BNC2: variants seen among roughly 807,000 people sequenced by gnomAD.
BNC2 encodes basonuclin zinc finger protein 2.
In BNC2, 20 loss-of-function variants were observed where a neutral mutation model predicts 76.3. That is an observed-to-expected ratio of 0.26 (90% confidence interval 0.18 to 0.38). BNC2 has a LOEUF of 0.38. Among genes scored for constraint, BNC2 ranks in the 10% least tolerant of loss-of-function variants. The pLI, the probability that BNC2 is intolerant of heterozygous loss-of-function variation, is 1.00. For synonymous variants in BNC2, 582 were observed against 514.8 expected, an observed-to-expected ratio of 1.13 and a Z score of -1.77; for missense variants, 1,382 against 1,399.8, an observed-to-expected ratio of 0.99 and a Z score of 0.20.
intron 5 of BNC2, among the ~76,000 whole-genome samples, chr9:16,502,326 C>T (rs910386372): frequency 3.9e-5 from 6 of 152,014 alleles, no homozygotes; most frequent in Admixed American, 1.3e-4. Context: ...CTAGCCTGGG[C>T]GACAGAGCAA....
intron 3 of BNC2, among the ~76,000 whole-genome samples, chr9:16,611,618 A>C (rs1820546975): frequency 6.6e-6 from 1 of 152,156 alleles, no homozygotes; most frequent in Non-Finnish European, 1.5e-5. Context: ...AAAAAAATTC[A>C]AGGTAAAAAA....
At chr9:16,641,500 C>T (rs571530338) in intron 3 of BNC2, among the ~76,000 whole-genome samples, 17 of 152,220 alleles carry the variant, frequency 1.1e-4, no homozygotes, top group African/African-American at 3.9e-4. Flanking sequence ...CAATCTGTTG[C>T]CTCTATTTAA....
At chr9:16,599,790 A>T (rs1820195152) in intron 3 of BNC2, among the ~76,000 whole-genome samples, 1 of 152,216 alleles carries the variant, frequency 6.6e-6, no homozygotes, top group Non-Finnish European at 1.5e-5. Flanking sequence ...GTCAAAAAAA[A>T]GTAATATATT....
intron 3 of BNC2, among the ~76,000 whole-genome samples, chr9:16,592,083 T>A (rs576869920): frequency 1.3e-4 from 19 of 151,416 alleles, no homozygotes; most frequent in Non-Finnish European, 2.5e-4. Flanking sequence ...GACAAAAAGC[T>A]GGGCAATTTA....
At chr9:16,430,865 T>C (rs933643922) in intron 6 of BNC2, among the ~76,000 whole-genome samples, 3 of 152,222 alleles carry the variant, frequency 2.0e-5, no homozygotes, top group African/African-American at 7.2e-5. Flanking sequence ...AGCAATCGAA[T>C]GGAAGGTTCA....
At chr9:16,549,258 T>C (rs1385783061) in intron 5 of BNC2, among the ~76,000 whole-genome samples, 1 of 152,224 alleles carries the variant, frequency 6.6e-6, no homozygotes, top group African/African-American at 2.4e-5. Context: ...ATATCCTGGC[T>C]TGACTAGTTC....
At chr9:16,706,505 A>T (rs1823677897) in intron 3 of BNC2, among the ~76,000 whole-genome samples, 5 of 152,232 alleles carry the variant, frequency 3.3e-5, no homozygotes, top group Admixed American at 3.3e-4. Flanking sequence ...AATGAAGAAC[A>T]TCTTACTTCA....
Position 16,528,652 on chromosome 9 carries a change from C to G in BNC2, c.669+23878G>C, listed in dbSNP as rs576385015. Among the ~76,000 whole-genome samples, 3 of 152,244 alleles carry G rather than the reference C, an allele frequency of 2.0e-5. No individual in the cohort carries two copies. The South Asian group carries it at 6.2e-4, about 32-fold the overall frequency. The stretch of plus-strand genomic sequence containing the variant: ...ATTCTACTTCTAAATATTTATTCTA[C>G]AAAAACAAACATACACAGTAATAAA... On this transcript the variant is annotated intron_variant, in intron 5 of 6. Transcript: ENST00000380672.
At chr9:16,754,587 T>C (rs780246908) in intron 1 of BNC2, among the ~76,000 whole-genome samples, 29 of 152,018 alleles carry the variant, frequency 1.9e-4, no homozygotes, top group Non-Finnish European at 3.5e-4. Flanking sequence ...AGACAGAGTC[T>C]CGCTCTGTTG....
At chr9:16,463,518 A>G (rs113937785) in intron 5 of BNC2, among the ~76,000 whole-genome samples, 13,469 of 148,172 alleles carry the variant, frequency 0.091, 804 homozygotes, top group Non-Finnish European at 0.1. Context: ...GGATGGTCTC[A>G]ATCTCCTGAC....
intron 3 of BNC2, among the ~76,000 whole-genome samples, chr9:16,705,616 G>A (rs1366245395): frequency 6.6e-6 from 1 of 152,012 alleles, no homozygotes; most frequent in African/African-American, 2.4e-5. Context: ...TTTAAATGTA[G>A]GGATGCTTTT....
intron 5 of BNC2, among the ~76,000 whole-genome samples, chr9:16,439,577 G>A (rs1821085255): frequency 1.3e-5 from 2 of 152,288 alleles, no homozygotes; most frequent in South Asian, 2.1e-4. Context: ...CATGATGAGA[G>A]GCATAAGGGA....
chr9:16,780,252 AAAAAC>A (rs1826109522), intron 1 of BNC2, among the ~76,000 whole-genome samples: 2 of 134,870 alleles, frequency 1.5e-5, no homozygotes, highest in African/African-American at 6.4e-5. Context: ...AAAAAAAAAA[AAAAAC>A]AAAAAAAAAC....
At chr9:16,731,143 T>C (rs924298785) in intron 2 of BNC2, among the ~76,000 whole-genome samples, 1 of 152,218 alleles carries the variant, frequency 6.6e-6, no homozygotes, top group African/African-American at 2.4e-5. Context: ...GGCACAAATA[T>C]GTCTTCTGAG....
At chr9:16,623,114 C>T (rs879601591) in intron 3 of BNC2, among the ~76,000 whole-genome samples, 2 of 152,138 alleles carry the variant, frequency 1.3e-5, no homozygotes, top group South Asian at 2.1e-4. Flanking sequence ...AACTAAGCCA[C>T]ACATCCTGGC....
chr9:16,519,051 T>C (rs1817530410), intron 5 of BNC2, among the ~76,000 whole-genome samples: 1 of 152,264 alleles, frequency 6.6e-6, no homozygotes, highest in Non-Finnish European at 1.5e-5. Flanking sequence ...GATTAATTTT[T>C]AGAAAGAGAC....
intron 1 of BNC2, among the ~76,000 whole-genome samples, chr9:16,839,566 A>G (rs1384703131): frequency 6.6e-6 from 1 of 152,222 alleles, no homozygotes; most frequent in African/African-American, 2.4e-5. Flanking sequence ...AGGTTAGAAG[A>G]GAACCCCATG....
At chr9:16,543,698 C>G (rs1418666453) in intron 5 of BNC2, among the ~76,000 whole-genome samples, 1 of 152,212 alleles carries the variant, frequency 6.6e-6, no homozygotes, top group Non-Finnish European at 1.5e-5. Context: ...TGTTTATTTT[C>G]ATTGCCGTTC....
chr9:16,508,095 G>A (rs2131874593), intron 5 of BNC2, among the ~76,000 whole-genome samples: 1 of 152,324 alleles, frequency 6.6e-6, no homozygotes, highest in African/African-American at 2.4e-5. Context: ...TAGTGAGAGA[G>A]ATAAAACAGG....
Sources: gnomAD v4.1 joint callset for allele counts (sites outside exome capture counted in the v4.1 genomes callset) on GRCh38, gnomAD v4.1.1 for gene constraint, MANE v1.5 for transcripts, NCBI Gene and HGNC (gene_info 2026-07-23, HGNC 2026-07-21) for gene names.